FBRSL1: variants seen among roughly 807,000 people sequenced by gnomAD.
The protein encoded by FBRSL1 is fibrosin-1-like protein.
Under a neutral mutation model 89.6 loss-of-function variants are expected in FBRSL1, and 51 were observed. The observed-to-expected ratio is 0.57, with a 90% CI of 0.45 to 0.72. The LOEUF (loss-of-function observed/expected upper bound fraction) is 0.72, where lower values mean the gene tolerates loss of function less well. Ranked by LOEUF, FBRSL1 falls within the 30% of genes least tolerant of loss-of-function variation. The pLI is 0.00. For synonymous variants in FBRSL1, 779 were observed against 681.1 expected (o/e 1.14, Z -2.24); for missense variants, 1,618 against 1,451.8 (o/e 1.11, Z -1.86).
At chr12:132,511,487 A>G (rs2034333498) in intron 2 of FBRSL1, 2 of 985,938 alleles carry the variant, frequency 2.0e-6, no homozygotes, top group South Asian at 9.4e-5. Flanking sequence ...TCTGGAGTCC[A>G]AGGCACGCCA....
intron 4 of FBRSL1, among the ~76,000 whole-genome samples, chr12:132,542,938 G>C (rs1283743345): frequency 6.6e-6 from 1 of 152,196 alleles, no homozygotes; most frequent in East Asian, 1.9e-4. Context: ...CCATGTGTGG[G>C]GCTGACAGGC....
rs1451336292 is a variant in FBRSL1, at chr12:132,527,949, G to A, written c.580-4G>A. ...CACTGACTGTCCCCTCTTCCTTCCTGCAGAGCTCTGCGCATGCGGTCTCGG... is the reference window on the plus strand; with the variant it reads ...CACTGACTGTCCCCTCTTCCTTCCTACAGAGCTCTGCGCATGCGGTCTCGG... On this transcript the variant is annotated splice_region_variant and splice_polypyrimidine_tract_variant and intron_variant, in intron 3 of 18. Transcript: ENST00000680143. The A allele has an allele frequency of 6.4e-7, 1 of 1,551,280 alleles. No individual in the cohort carries two copies. The highest frequency in any genetic ancestry group is 1.4e-5 in the African/African-American group (1 of 73,100).
At chr12:132,541,101 C>G (rs1181663225) in intron 4 of FBRSL1, among the ~76,000 whole-genome samples, 14 of 150,650 alleles carry the variant, frequency 9.3e-5, no homozygotes, top group African/African-American at 2.7e-4. Context: ...CTGGGGGGCA[C>G]AGCCTCCCAC....
At chr12:132,580,676 G>A (rs1230555867) in intron 15 of FBRSL1, 1 of 651,848 alleles carries the variant, frequency 1.5e-6, no homozygotes, top group Non-Finnish European at 1.9e-6. Flanking sequence ...CAGAAGCTCT[G>A]AATACAACTT....
At chr12:132,553,439 G>A (rs1470074180) in intron 5 of FBRSL1, 1 of 152,270 alleles carries the variant, frequency 6.6e-6, no homozygotes, top group Non-Finnish European at 1.5e-5. Flanking sequence ...GTGGCAGGCT[G>A]CGGGGCCCTG....
chr12:132,506,246 G>C (rs1043228494), intron 1 of FBRSL1, among the ~76,000 whole-genome samples: 1 of 152,178 alleles, frequency 6.6e-6, no homozygotes, highest in Non-Finnish European at 1.5e-5. Flanking sequence ...AGGAGGGGCC[G>C]GCAGAAATCT....
intron 1 of FBRSL1, among the ~76,000 whole-genome samples, chr12:132,505,532 T>C (rs867248460): frequency 2.0e-5 from 3 of 152,178 alleles, no homozygotes; most frequent in Non-Finnish European, 2.9e-5. Context: ...GTGACCACGC[T>C]GCTGCCTGTC....
chr12:132,524,742 T>G (rs944758146), intron 2 of FBRSL1, among the ~76,000 whole-genome samples: 2 of 152,100 alleles, frequency 1.3e-5, no homozygotes, highest in African/African-American at 4.8e-5. Flanking sequence ...TCCACGTGAG[T>G]CTGGGCGCTG....
At chr12:132,545,579 T>C (rs1237481184) in intron 4 of FBRSL1, among the ~76,000 whole-genome samples, 2 of 152,218 alleles carry the variant, frequency 1.3e-5, no homozygotes, top group Non-Finnish European at 2.9e-5. Flanking sequence ...TCAGCCTGGC[T>C]GGGTCCAGCC....
intron 5 of FBRSL1, 50 bp downstream of exon 5, chr12:132,548,082 C>T (rs2137326211): frequency 1.3e-6 from 2 of 1,546,706 alleles, no homozygotes; most frequent in Non-Finnish European, 8.7e-7. Context: ...CTGCCCTTCC[C>T]TGCTGACCTT....
intron 3 of FBRSL1, among the ~76,000 whole-genome samples, chr12:132,527,258 G>T (rs2035863344): frequency 6.6e-6 from 1 of 152,208 alleles, no homozygotes; most frequent in South Asian, 2.1e-4. Flanking sequence ...GTCAGCAGAA[G>T]CTGGGGCCCT....
chr12:132,510,695 C>T lies in FBRSL1; in HGVS notation c.489+2345C>T, dbSNP rs563136549. 4.6e-5 allele frequency: 56 copies of T among 1,221,366 alleles called. No individual in the cohort carries two copies. In the South Asian group the frequency reaches 2.0e-3, roughly 43 times the overall value. The allele number at this position is 1,221,366 out of a possible 1,614,324, so 75.7% of individuals were successfully genotyped here. Reference sequence around the variant, plus strand: ...CACACCAGGAAGAGAGATGAACCCGCGTCTGCCTGCCGCCCCGCCATGCTC... The same window carrying T: ...CACACCAGGAAGAGAGATGAACCCGTGTCTGCCTGCCGCCCCGCCATGCTC... On this transcript the variant is annotated intron_variant, in intron 2 of 18. Coordinates refer to ENST00000680143, the MANE Select transcript of FBRSL1 (RefSeq NM_001367871.1).
chr12:132,556,898 T>A (rs991876755), intron 5 of FBRSL1, among the ~76,000 whole-genome samples: 3 of 151,812 alleles, frequency 2.0e-5, no homozygotes, highest in Non-Finnish European at 4.4e-5. Flanking sequence ...TCTCCAGGCG[T>A]GAGAGGACAC....
chr12:132,576,073 ATGT>A (rs901571344), intron 14 of FBRSL1, among the ~76,000 whole-genome samples: 30 of 152,380 alleles, frequency 2.0e-4, no homozygotes, highest in African/African-American at 6.7e-4. Flanking sequence ...TGAGGGGCAC[ATGT>A]TGTAGTTTCA....
chr12:132,578,154 A>C (rs950318662), intron 15 of FBRSL1, among the ~76,000 whole-genome samples: 4 of 152,218 alleles, frequency 2.6e-5, no homozygotes, highest in Non-Finnish European at 5.9e-5. Flanking sequence ...GTATTCTTAC[A>C]ATGAAGTCCA....
At chr12:132,532,130 G>A (rs551917949) in intron 4 of FBRSL1, among the ~76,000 whole-genome samples, 2 of 152,134 alleles carry the variant, frequency 1.3e-5, no homozygotes, top group East Asian at 3.9e-4. Context: ...TGCACAGAAT[G>A]TTCTGGAGGG....
intron 5 of FBRSL1, chr12:132,551,522 T>C (rs1343603591): frequency 2.2e-6 from 1 of 456,300 alleles, no homozygotes; most frequent in East Asian, 7.0e-5. Context: ...CTCAGGCCAG[T>C]GCACTTCACA....
chr12:132,575,555 G>A (rs2040330930), intron 14 of FBRSL1, among the ~76,000 whole-genome samples: 1 of 152,256 alleles, frequency 6.6e-6, no homozygotes, highest in Non-Finnish European at 1.5e-5. Flanking sequence ...ATACTTGCAT[G>A]TCTGGGTGGA....
chr12:132,504,721 T>G (rs982097856), intron 1 of FBRSL1, among the ~76,000 whole-genome samples: 1 of 152,118 alleles, frequency 6.6e-6, no homozygotes, highest in Non-Finnish European at 1.5e-5. Context: ...TGGTGGGTGG[T>G]GCTGGGGACA....
Sources: gnomAD v4.1 joint callset for allele counts (sites outside exome capture counted in the v4.1 genomes callset) on GRCh38, gnomAD v4.1.1 for gene constraint, MANE v1.5 for transcripts, NCBI Gene and HGNC (gene_info 2026-07-23, HGNC 2026-07-21) for gene names.